KSR2: variants seen among roughly 807,000 people sequenced by gnomAD.
KSR2 encodes the protein kinase suppressor of ras 2.
A neutral mutation model predicts 107.8 loss-of-function variants in KSR2; 25 were observed. The observed-to-expected ratio is 0.23, with a 90% CI of 0.17 to 0.32. The LOEUF is 0.32. Ranked by LOEUF, KSR2 falls within the 10% of genes least tolerant of loss-of-function variation. The pLI, the probability that KSR2 is intolerant of heterozygous loss-of-function variation, is 1.00. For synonymous variants in KSR2, 480 were observed against 507.0 expected, an observed-to-expected ratio of 0.95 and a Z score of 0.71; for missense variants, 887 against 1,268.9, an observed-to-expected ratio of 0.70 and a Z score of 4.57.
At chr12:117,826,314 C>A (rs1380819916) in intron 3 of KSR2, among the ~76,000 whole-genome samples, 22 of 152,032 alleles carry the variant, frequency 1.4e-4, no homozygotes, top group Admixed American at 1.4e-3. Context: ...GACTTAAATT[C>A]TCTCTTTGCA....
At chr12:117,746,251 G>A (rs926668714) in intron 4 of KSR2, among the ~76,000 whole-genome samples, 2 of 151,940 alleles carry the variant, frequency 1.3e-5, no homozygotes, top group South Asian at 2.1e-4. Context: ...CCAATGAAAC[G>A]GAACAGAGAC....
intron 8 of KSR2, among the ~76,000 whole-genome samples, chr12:117,557,587 T>C (rs1360398045): frequency 6.6e-6 from 1 of 152,238 alleles, no homozygotes; most frequent in African/African-American, 2.4e-5. Flanking sequence ...TGGCCTACGA[T>C]GTGCAGTAGA....
chr12:117,783,049 C>G (rs180973218), intron 3 of KSR2, among the ~76,000 whole-genome samples: 10 of 152,200 alleles, frequency 6.6e-5, no homozygotes, highest in Admixed American at 3.9e-4. Context: ...TGAGCCCTAC[C>G]CTATGTCAAT....
chr12:117,814,481 C>CTCTG (rs1453591440), intron 3 of KSR2, among the ~76,000 whole-genome samples: 3 of 152,052 alleles, frequency 2.0e-5, no homozygotes, highest in Non-Finnish European at 2.9e-5. Flanking sequence ...GGGTGGGGGG[C>CTCTG]TCTGCCACTT....
intron 5 of KSR2, among the ~76,000 whole-genome samples, chr12:117,598,015 G>A (rs972166150): frequency 6.7e-6 from 1 of 150,228 alleles, no homozygotes; most frequent in African/African-American, 2.5e-5. Context: ...ATATATTTTG[G>A]GGGCAGGTGG....
intron 5 of KSR2, among the ~76,000 whole-genome samples, chr12:117,620,046 G>A (rs771117306): frequency 3.3e-5 from 5 of 152,070 alleles, no homozygotes; most frequent in Non-Finnish European, 5.9e-5. Flanking sequence ...ACAGTGTGTG[G>A]TCTTTTACAT....
chr12:117,860,506 A>G, intron 1 of KSR2, 75 bp from the exon 2 acceptor site: 2 of 1,409,944 alleles, frequency 1.4e-6, no homozygotes, highest in Non-Finnish European at 1.9e-6. Context: ...AGAACCCCCT[A>G]CGAACCCCCA....
intron 16 of KSR2, among the ~76,000 whole-genome samples, chr12:117,483,630 GT>G (rs1426418295): frequency 1.3e-5 from 2 of 152,188 alleles, no homozygotes; most frequent in Non-Finnish European, 2.9e-5. Context: ...ATTATGGGTT[GT>G]TTATTTGAGA....
At chr12:117,510,123 T>C (rs542124583) in intron 14 of KSR2, among the ~76,000 whole-genome samples, 141 of 152,288 alleles carry the variant, frequency 9.3e-4, no homozygotes, top group African/African-American at 3.3e-3. Context: ...AGCGATAAGG[T>C]GCTTATGTAT....
intron 1 of KSR2, among the ~76,000 whole-genome samples, chr12:117,867,953 C>G (rs549388840): frequency 6.6e-6 from 1 of 152,154 alleles, no homozygotes; most frequent in African/African-American, 2.4e-5. Flanking sequence ...CCAGCAGGAC[C>G]TTATAAATTC....
intron 1 of KSR2, among the ~76,000 whole-genome samples, chr12:117,958,637 A>G (rs1896579479): frequency 6.6e-6 from 1 of 152,216 alleles, no homozygotes; most frequent in African/African-American, 2.4e-5. Flanking sequence ...CCTGGCCAAC[A>G]TGGTGAAACT....
chr12:117,833,517 C>A (rs1892064949), intron 3 of KSR2, among the ~76,000 whole-genome samples: 1 of 152,112 alleles, frequency 6.6e-6, no homozygotes. Flanking sequence ...CACACACGAC[C>A]AAGCCCAGCT....
intron 1 of KSR2, among the ~76,000 whole-genome samples, chr12:117,948,186 T>C (rs1185175147): frequency 1.3e-5 from 2 of 152,188 alleles, no homozygotes; most frequent in Admixed American, 6.6e-5. Flanking sequence ...CAGTGGCTTA[T>C]GCCTGTAATC....
intron 1 of KSR2, among the ~76,000 whole-genome samples, chr12:117,909,705 CCA>C (rs1490767417): frequency 6.6e-6 from 1 of 151,562 alleles, no homozygotes; most frequent in Non-Finnish European, 1.5e-5. Flanking sequence ...GAGTTCAAGA[CCA>C]GCCTGGCCAA....
chr12:117,474,359 A>C (rs532458892), intron 17 of KSR2, among the ~76,000 whole-genome samples: 1 of 152,316 alleles, frequency 6.6e-6, no homozygotes, highest in East Asian at 1.9e-4. Flanking sequence ...AGGCCAACTG[A>C]CATCCTCTAA....
chr12:117,471,346 T>C, intron 17 of KSR2, 26 bp from the exon 18 acceptor site: 1 of 1,608,408 alleles, frequency 6.2e-7, no homozygotes, highest in Non-Finnish European at 8.5e-7. Flanking sequence ...GTTAAAGGGG[T>C]GTTGGTGTGG....
chr12:117,707,735 G>A (rs1308256196), intron 4 of KSR2, among the ~76,000 whole-genome samples: 1 of 152,192 alleles, frequency 6.6e-6, no homozygotes, highest in African/African-American at 2.4e-5. Flanking sequence ...AGGACACGGA[G>A]AGTCATCTAG....
At chr12:117,708,111 T>C (rs919757260) in intron 4 of KSR2, among the ~76,000 whole-genome samples, 1 of 152,246 alleles carries the variant, frequency 6.6e-6, no homozygotes, top group Admixed American at 6.5e-5. Flanking sequence ...AAAATTAACA[T>C]AGTGACAAAT....
At chr12:117,728,796 T>C (rs185321308) in intron 4 of KSR2, among the ~76,000 whole-genome samples, 26 of 152,306 alleles carry the variant, frequency 1.7e-4, no homozygotes, top group African/African-American at 6.3e-4. Context: ...CTCTATGCTG[T>C]CCTTACTCAG....
Sources: gnomAD v4.1 joint callset for allele counts (sites outside exome capture counted in the v4.1 genomes callset) on GRCh38, gnomAD v4.1.1 for gene constraint, MANE v1.5 for transcripts, NCBI Gene and HGNC (gene_info 2026-07-23, HGNC 2026-07-21) for gene names.